Variants in TNS3 observed in about 807,000 individuals in gnomAD.
The protein encoded by TNS3 is tensin-3.
In TNS3, 45 loss-of-function variants were observed where a neutral mutation model predicts 140.9. That is an observed-to-expected ratio of 0.32 (90% CI 0.25 to 0.41). TNS3 has a LOEUF of 0.41. TNS3 is among the 10% of genes least tolerant of loss of function. The probability of loss-of-function intolerance (pLI) is 1.00; values close to 1 mark genes in which losing one functional copy is unlikely to be tolerated. For missense variants in TNS3, 1,716 were observed against 1,906.7 expected (o/e 0.90, Z 1.86); for synonymous variants, 815 against 788.4 (o/e 1.03, Z -0.56).
intron 25 of TNS3, 65 bp downstream of exon 25, chr7:47,293,668 G>A (rs1284705604): frequency 1.4e-6 from 2 of 1,426,052 alleles, no homozygotes; most frequent in Non-Finnish European, 2.0e-6. Flanking sequence ...TCTCAGGTTG[G>A]TGAGCAGAGG....
At chr7:47,354,739 C>T (rs991908461) in intron 17 of TNS3, among the ~76,000 whole-genome samples, 10 of 152,214 alleles carry the variant, frequency 6.6e-5, no homozygotes, top group African/African-American at 2.4e-4. Flanking sequence ...GCTTCACCCA[C>T]TCCATGCAGC....
intron 13 of TNS3, among the ~76,000 whole-genome samples, chr7:47,409,859 G>A (rs1247095575): frequency 1.2e-4 from 18 of 152,004 alleles, no homozygotes; most frequent in East Asian, 1.9e-4. Flanking sequence ...GGGTTTCACC[G>A]TGTCAGCCAG....
intron 20 of TNS3, among the ~76,000 whole-genome samples, chr7:47,320,612 G>T (rs969279306): frequency 6.6e-6 from 1 of 152,198 alleles, no homozygotes; most frequent in East Asian, 1.9e-4. Flanking sequence ...CCCTCTGTGT[G>T]TCTGTGTCCT....
chr7:47,354,032 C>CAA (rs3029444), intron 17 of TNS3, among the ~76,000 whole-genome samples: 1 of 142,222 alleles, frequency 7.0e-6, no homozygotes, highest in African/African-American at 2.6e-5. Flanking sequence ...CACACACACA[C>CAA]AAATTCCAAG....
At chr7:47,410,063 A>G (rs567416344) in intron 13 of TNS3, among the ~76,000 whole-genome samples, 5 of 152,270 alleles carry the variant, frequency 3.3e-5, no homozygotes, top group East Asian at 1.9e-4. Flanking sequence ...CCTTCGTCCA[A>G]CGATCCCAGG....
At chr7:47,425,313 T>A (rs1346058478) in intron 9 of TNS3, among the ~76,000 whole-genome samples, 1 of 152,026 alleles carries the variant, frequency 6.6e-6, no homozygotes, top group Non-Finnish European at 1.5e-5. Flanking sequence ...TGAGACTCCA[T>A]CTCAAAACAA....
At chr7:47,414,949 A>G in intron 11 of TNS3, 145 bp downstream of exon 11, 1 of 632,546 alleles carries the variant, frequency 1.6e-6, no homozygotes, top group South Asian at 1.9e-5. Flanking sequence ...CTGAAGGGGG[A>G]CCCAGTCAAT....
At chr7:47,422,589 G>T (rs1008085699) in intron 10 of TNS3, among the ~76,000 whole-genome samples, 4 of 151,662 alleles carry the variant, frequency 2.6e-5, no homozygotes, top group African/African-American at 9.7e-5. Flanking sequence ...CTACAGCCTG[G>T]GTGACAGAGC....
chr7:47,284,936 C>A (rs569398159), intron 27 of TNS3, among the ~76,000 whole-genome samples: 3 of 152,252 alleles, frequency 2.0e-5, no homozygotes, highest in Non-Finnish European at 4.4e-5. Flanking sequence ...TTTCTCTTTG[C>A]CTTTAAGTCT....
rs149338829 is a variant in TNS3, at chr7:47,318,732, T to C, written c.2651-13729A>G. Among the ~76,000 whole-genome samples, 15 of 152,242 alleles carry C rather than the reference T, an allele frequency of 9.9e-5. No individual in the cohort carries two copies. In the East Asian group the frequency reaches 2.9e-3, roughly 29 times the overall value. On this transcript the variant is annotated intron_variant, in intron 20 of 30. Transcript: ENST00000311160. ...CTGGGCTGATTATCATGATGGAGAATGGAGGTTACCATAATGTATACACCA... is the reference window on the plus strand; with the variant it reads ...CTGGGCTGATTATCATGATGGAGAACGGAGGTTACCATAATGTATACACCA...
chr7:47,415,128 G>A lies in TNS3; in HGVS notation c.552C>T (p.Ile184=). 1.2e-6 allele frequency: 2 copies of A among 1,612,240 alleles called. No individual in the cohort carries two copies. Among genetic ancestry groups the A allele is most frequent in the Non-Finnish European group, 1.7e-6 (2 of 1,179,314 alleles). The change falls in exon 11 of 31, where the codon ATC becomes ATT. Residue 184 remains isoleucine, a synonymous_variant. Transcript: ENST00000311160. Reference sequence around the variant, plus strand: ...TGTCGAAGTTGGGGGTGCCGTGGAGGATGACAAAATGCAGGAACAGGGGAG... The same window carrying A: ...TGTCGAAGTTGGGGGTGCCGTGGAGAATGACAAAATGCAGGAACAGGGGAG... ...NASPLFLHFV[I]LHGTPNFDTG...
intron 17 of TNS3, among the ~76,000 whole-genome samples, chr7:47,362,873 T>C (rs1245537666): frequency 6.8e-6 from 1 of 147,866 alleles, no homozygotes; most frequent in African/African-American, 2.5e-5. Flanking sequence ...ACCATCAACA[T>C]CATCACAGTC....
chr7:47,384,243 G>T (rs982306867), intron 16 of TNS3, among the ~76,000 whole-genome samples: 1 of 152,210 alleles, frequency 6.6e-6, no homozygotes, highest in Non-Finnish European at 1.5e-5. Flanking sequence ...AGACAGGCCC[G>T]TCCCAGGGGG....
chr7:47,295,253 A>T (rs998868554), intron 24 of TNS3, among the ~76,000 whole-genome samples: 1 of 152,240 alleles, frequency 6.6e-6, no homozygotes, highest in Non-Finnish European at 1.5e-5. Context: ...AGGTAAAAAC[A>T]GTTATATACT....
chr7:47,582,451 G>A, upstream of TNS3: 1 of 456,636 alleles, frequency 2.2e-6, no homozygotes, highest in Non-Finnish European at 4.4e-6. Flanking sequence ...TCGGATCCTG[G>A]TTCCTGCACA....
In TNS3 at chr7:47,539,112, T is replaced by A. The variant is rs1286440711; in HGVS notation, c.-264-9965A>T. 2 of 456,636 alleles carry A rather than the reference T, an allele frequency of 4.4e-6. 1 individual carries two copies. Among genetic ancestry groups the A allele is most frequent in the Admixed American group, 4.7e-5 (2 of 42,578 alleles). 28.3% of individuals were successfully genotyped at this position (456,636 alleles called of 1,614,324 possible). ...AGGAACCGGCCAAAGAAATCTGAAT[T>A]CAGCAATGAACAGATAGCCCCCAGC... is the stretch of plus-strand genomic sequence containing the variant. On this transcript the variant is annotated intron_variant, in intron 1 of 30. Coordinates refer to ENST00000311160, the MANE Select transcript of TNS3 (RefSeq NM_022748.12).
At chr7:47,359,410 A>G (rs891236106) in intron 17 of TNS3, among the ~76,000 whole-genome samples, 1 of 152,166 alleles carries the variant, frequency 6.6e-6, no homozygotes, top group Non-Finnish European at 1.5e-5. Flanking sequence ...ACAGGAAGTG[A>G]CTTCAGGGGG....
chr7:47,470,500 T>C (rs1796906081), intron 4 of TNS3: 1 of 985,446 alleles, frequency 1.0e-6, no homozygotes, highest in Middle Eastern at 5.2e-4. Context: ...CATTCATTCA[T>C]TCGAAACACT....
At chr7:47,348,475 T>G (rs1334821775) in intron 17 of TNS3, among the ~76,000 whole-genome samples, 1 of 152,212 alleles carries the variant, frequency 6.6e-6, no homozygotes, top group Non-Finnish European at 1.5e-5. Context: ...GAATAGTACT[T>G]CTGTTCAACA....
Sources: gnomAD v4.1 joint callset for allele counts (sites outside exome capture counted in the v4.1 genomes callset) on GRCh38, gnomAD v4.1.1 for gene constraint, MANE v1.5 for transcripts, NCBI Gene and HGNC (gene_info 2026-07-23, HGNC 2026-07-21) for gene names.